CACNA1E: variants seen among roughly 807,000 people sequenced by gnomAD.
CACNA1E encodes voltage-dependent R-type calcium channel subunit alpha-1E.
A neutral mutation model predicts 259.2 loss-of-function variants in CACNA1E; 40 were observed. The ratio of observed to expected loss-of-function variants is 0.15; its 90% CI spans 0.12 to 0.20. CACNA1E has a LOEUF of 0.20. Among genes scored for constraint, CACNA1E ranks in the 10% least tolerant of loss-of-function variants. The probability of loss-of-function intolerance (pLI) is 1.00; values close to 1 mark genes in which losing one functional copy is unlikely to be tolerated. For synonymous variants in CACNA1E, 1,104 were observed against 1,138.5 expected, an observed-to-expected ratio of 0.97 and a Z score of 0.61; for missense variants, 1,874 against 3,040.1, an observed-to-expected ratio of 0.62 and a Z score of 9.02.
intron 3 of CACNA1E, among the ~76,000 whole-genome samples, chr1:181,555,273 C>A (rs565351292): frequency 2.0e-5 from 3 of 152,276 alleles, no homozygotes; most frequent in South Asian, 2.1e-4. Context: ...CAGCTCTTGC[C>A]CACTGAGTTG....
At chr1:181,359,380 ATGATCTTTTTAG>A (rs1194735164) in intron 1 of CACNA1E, among the ~76,000 whole-genome samples, 5 of 152,198 alleles carry the variant, frequency 3.3e-5, no homozygotes, top group African/African-American at 1.2e-4. Context: ...GCCTTAACAT[ATGATCTTTTTAG>A]TGTACAAGGT....
At chr1:181,717,935 T>G in intron 11 of CACNA1E, 120 bp from the exon 12 acceptor site, 1 of 619,428 alleles carries the variant, frequency 1.6e-6, no homozygotes, top group South Asian at 1.9e-5. Flanking sequence ...TGGCCTGATG[T>G]GGCCACCGAA....
chr1:181,417,000 T>C (rs1242723839), intron 2 of CACNA1E, among the ~76,000 whole-genome samples: 2 of 152,010 alleles, frequency 1.3e-5, no homozygotes, highest in Non-Finnish European at 2.9e-5. Context: ...GACTTTGCCT[T>C]CTTGCTTCCT....
chr1:181,606,417 C>T (rs560541055), intron 6 of CACNA1E, among the ~76,000 whole-genome samples: 16 of 152,286 alleles, frequency 1.1e-4, no homozygotes, highest in South Asian at 8.3e-4. Context: ...AACAGCAGGT[C>T]GTATGGATGC....
intron 2 of CACNA1E, among the ~76,000 whole-genome samples, chr1:181,422,982 A>G (rs1305487079): frequency 6.6e-6 from 1 of 152,196 alleles, no homozygotes; most frequent in Non-Finnish European, 1.5e-5. Context: ...AAAAGTAGCA[A>G]ACATGTATTT....
At chr1:181,603,885 G>A (rs988292308) in intron 6 of CACNA1E, among the ~76,000 whole-genome samples, 8 of 152,152 alleles carry the variant, frequency 5.3e-5, no homozygotes, top group Admixed American at 2.0e-4. Context: ...CAGGTGTTGG[G>A]GGATGGGGAG....
chr1:181,470,830 T>C (rs1662457295), intron 2 of CACNA1E, among the ~76,000 whole-genome samples: 1 of 152,162 alleles, frequency 6.6e-6, no homozygotes, highest in Admixed American at 6.5e-5. Flanking sequence ...CGCTAGGCCC[T>C]TGAAACTCTC....
chr1:181,601,490 A>T (rs1314542561), intron 6 of CACNA1E, among the ~76,000 whole-genome samples: 3 of 152,046 alleles, frequency 2.0e-5, no homozygotes, highest in Non-Finnish European at 2.9e-5. Flanking sequence ...CTACCTGTCC[A>T]TCATTTTTCA....
chr1:181,734,217 AGAT>A (rs561150986), intron 21 of CACNA1E, among the ~76,000 whole-genome samples: 387 of 152,212 alleles, frequency 2.5e-3, no homozygotes, highest in African/African-American at 8.0e-3. Flanking sequence ...GCATTGTACT[AGAT>A]GATCTCTGAG....
intron 6 of CACNA1E, among the ~76,000 whole-genome samples, chr1:181,646,113 T>C (rs1179006801): frequency 6.6e-6 from 1 of 152,208 alleles, no homozygotes; most frequent in African/African-American, 2.4e-5. Flanking sequence ...TCTGCAGAGA[T>C]GAATGGCCTG....
At chr1:181,582,110 G>A (rs541316283) in intron 6 of CACNA1E, among the ~76,000 whole-genome samples, 15 of 152,316 alleles carry the variant, frequency 9.8e-5, no homozygotes, top group African/African-American at 3.6e-4. Flanking sequence ...TGCTAACCTG[G>A]ATCCATTCCC....
intron 15 of CACNA1E, 105 bp downstream of exon 15, chr1:181,720,960 C>A (rs1477314706): frequency 1.3e-6 from 1 of 761,648 alleles, no homozygotes. Context: ...CCTTTCCAGG[C>A]TCCTCCCAGG....
intron 2 of CACNA1E, among the ~76,000 whole-genome samples, chr1:181,419,677 A>G (rs1658580659): frequency 6.6e-6 from 1 of 152,214 alleles, no homozygotes; most frequent in Admixed American, 6.5e-5. Flanking sequence ...GACTCACAAT[A>G]AGTGTTTGCT....
At chr1:181,585,663 T>G (rs2103000449) in intron 6 of CACNA1E, among the ~76,000 whole-genome samples, 1 of 152,232 alleles carries the variant, frequency 6.6e-6, no homozygotes, top group Admixed American at 6.5e-5. Context: ...GAACAAAGAC[T>G]TGAAGTGGGT....
At chr1:181,330,047 G>GC (rs1651128372) in intron 1 of CACNA1E, among the ~76,000 whole-genome samples, 1 of 152,180 alleles carries the variant, frequency 6.6e-6, no homozygotes, top group African/African-American at 2.4e-5. Flanking sequence ...CTGAGCATGT[G>GC]AGCTAAGACG....
At position 181,803,917 on chromosome 1, in the gene CACNA1E, C is replaced by G. The variant is rs1662452596; in HGVS notation, c.*5083C>G. ...AAAGTCCAATTGATGGCTTTTGAGG[C>G]TGGGACACCCCCAAACTGCCCTTCT... On this transcript the variant is annotated 3_prime_UTR_variant, in exon 48 of 48. Coordinates refer to ENST00000367573, the MANE Select transcript of CACNA1E (RefSeq NM_001205293.3). The G allele has an allele frequency of 6.6e-6, 1 of 152,178 alleles. No individual in the cohort carries two copies. Among genetic ancestry groups the G allele is most frequent in the African/African-American group, 2.4e-5 (1 of 41,438 alleles). The allele number at this position is 152,178 out of a possible 1,614,324, so 9.4% of individuals were successfully genotyped here.
chr1:181,474,977 T>C (rs1662749695), intron 2 of CACNA1E, among the ~76,000 whole-genome samples: 1 of 152,190 alleles, frequency 6.6e-6, no homozygotes, highest in African/African-American at 2.4e-5. Flanking sequence ...TATTCCTGTT[T>C]ATATCATCTG....
At chr1:181,441,488 T>C (rs1660471972) in intron 2 of CACNA1E, among the ~76,000 whole-genome samples, 1 of 151,260 alleles carries the variant, frequency 6.6e-6, no homozygotes, top group South Asian at 2.1e-4. Context: ...GCCAAGAAAG[T>C]GCTACTGGAA....
At chr1:181,765,742 G>A (rs749978135) in intron 34 of CACNA1E, among the ~76,000 whole-genome samples, 4 of 152,136 alleles carry the variant, frequency 2.6e-5, no homozygotes, top group Non-Finnish European at 4.4e-5. Context: ...CTCTGGCAGC[G>A]CTGAGATCAA....
Sources: gnomAD v4.1 joint callset for allele counts (sites outside exome capture counted in the v4.1 genomes callset) on GRCh38, gnomAD v4.1.1 for gene constraint, MANE v1.5 for transcripts, NCBI Gene and HGNC (gene_info 2026-07-23, HGNC 2026-07-21) for gene names.